Variants in APOLD1 observed in about 807,000 individuals in gnomAD.
The protein encoded by APOLD1 is apolipoprotein L domain containing 1.
In APOLD1, 22 loss-of-function variants were observed where a neutral mutation model predicts 15.3. That is an observed-to-expected ratio of 1.44 (90% CI 1.03 to 2.05). The LOEUF (loss-of-function observed/expected upper bound fraction) is 2.05. APOLD1 is among the 30% of genes most tolerant of loss of function. APOLD1 has a pLI of 0.00. For synonymous variants in APOLD1, 190 were observed against 167.4 expected (o/e 1.13, Z -1.04); for missense variants, 394 against 353.5 (o/e 1.11, Z -0.92).
Position 12,774,546 on chromosome 12 carries a change from C to CAAAAAAAAAAAAAAAA in APOLD1, c.97-12350_97-12335dup, listed in dbSNP as rs57343706. Among the ~76,000 whole-genome samples, 18 of 42,292 alleles carry CAAAAAAAAAAAAAAAA rather than the reference C, an allele frequency of 4.3e-4. 1 individual carries two copies. The highest frequency in any genetic ancestry group is 1.3e-3 in the South Asian group (1 of 788). The allele number at this position is 42,292 out of a possible 152,430, so 27.7% of individuals were successfully genotyped here. On this transcript the variant is annotated intron_variant, in intron 1 of 1. Transcript: ENST00000326765. ...GGGTGACACAGCGAGACTCTAACTC[C>CAAAAAAAAAAAAAAAA]AAAAAAAAAAAAAAAAAAAAAAAAA...
At chr12:12,772,078 T>TAAGAACA (rs1362738770) in intron 1 of APOLD1, among the ~76,000 whole-genome samples, 4 of 151,988 alleles carry the variant, frequency 2.6e-5, no homozygotes, top group African/African-American at 9.6e-5. Flanking sequence ...AAGATAAAAA[T>TAAGAACA]AAGAACAAAG....
intron 1 of APOLD1, among the ~76,000 whole-genome samples, chr12:12,773,102 G>GA (rs1947001283): frequency 1.3e-5 from 2 of 151,996 alleles, no homozygotes; most frequent in African/African-American, 4.8e-5. Context: ...AAAATTATAT[G>GA]AAAAACACAA....
At position 12,786,835 on chromosome 12, in the gene APOLD1, G is replaced by C. The variant is rs1447877837; in HGVS notation, c.4-74G>C. 5.2e-6 allele frequency: 7 copies of C among 1,340,776 alleles called. No individual in the cohort carries two copies. In the East Asian group the frequency reaches 1.9e-4, roughly 36 times the overall value. The allele number at this position is 1,340,776 out of a possible 1,614,324, so 83.1% of individuals were successfully genotyped here. A position where few individuals can be genotyped will look rare whatever the true frequency, so the allele number is the denominator to read the frequency against. ...CTGAACTCGTGCCAAGTTCCCGCTG[G>C]CGTCCGGGCAGCAGGGCGGGAGCGG... On this transcript the variant is annotated intron_variant, in intron 1 of 1. Transcript: ENST00000356591.
chr12:12,770,794 A>C (rs538235196), intron 1 of APOLD1, among the ~76,000 whole-genome samples: 160 of 150,928 alleles, frequency 1.1e-3, no homozygotes, highest in African/African-American at 3.7e-3. Flanking sequence ...AAAAAAAAAA[A>C]CTCTACACCT....
At chr12:12,729,050 A>G (rs766114255) in intron 1 of APOLD1, among the ~76,000 whole-genome samples, 3 of 152,198 alleles carry the variant, frequency 2.0e-5, no homozygotes, top group Non-Finnish European at 2.9e-5. Flanking sequence ...ACTCAGGACC[A>G]TAATATAATT....
chr12:12,764,181 T>C (rs187059172), intron 1 of APOLD1, among the ~76,000 whole-genome samples: 3 of 152,208 alleles, frequency 2.0e-5, no homozygotes, highest in Non-Finnish European at 1.5e-5. Flanking sequence ...CAGGGTAGTC[T>C]TGAACTCCTG....
intron 1 of APOLD1, among the ~76,000 whole-genome samples, chr12:12,737,735 G>A (rs1368716273): frequency 6.6e-6 from 1 of 152,174 alleles, no homozygotes; most frequent in Non-Finnish European, 1.5e-5. Flanking sequence ...CAAGCTGGGG[G>A]GCCCAGGGTT....
chr12:12,734,313 A>G (rs901128889), intron 1 of APOLD1, among the ~76,000 whole-genome samples: 1 of 151,992 alleles, frequency 6.6e-6, no homozygotes, highest in African/African-American at 2.4e-5. Flanking sequence ...CACCAGATCA[A>G]CTCCCTGCCT....
At position 12,787,087 on chromosome 12, in the gene APOLD1, C is replaced by G. The variant is rs757242490; in HGVS notation, c.182C>G (p.Ser61Trp). The G allele has an allele frequency of 1.6e-5, 23 of 1,400,982 alleles. No homozygotes were observed. The highest frequency in any genetic ancestry group is 2.1e-5 in the Non-Finnish European group (23 of 1,088,364). 86.8% of individuals were successfully genotyped at this position (1,400,982 alleles called of 1,614,324 possible). A position where few individuals can be genotyped will look rare whatever the true frequency, so the allele number is the denominator to read the frequency against. ...CTCGTAGCCAACGTGGCCGGCAGCT[C>G]GCTGAGCGCAACGGGCGCCCTCGCC... is the stretch of plus-strand genomic sequence containing the variant. Reference protein sequence around the residue: ...RSLVANVAGSSLSATGALAAI... With the variant: ...RSLVANVAGSWLSATGALAAI... Residue 61 changes from serine (S) to tryptophan (W), a missense_variant, in exon 2 of 2, where the codon TCG becomes TGG. Physicochemically the swap from Ser to Trp is radical, Grantham distance 177 (BLOSUM62 -3). Coordinates refer to ENST00000356591, the MANE Select transcript of APOLD1 (RefSeq NM_030817.3). The surrounding 1 kb of genome is among the most constrained non-coding windows in gnomAD (Gnocchi z 4.9).
chr12:12,731,008 G>A (rs1046975345), intron 1 of APOLD1, among the ~76,000 whole-genome samples: 2 of 152,074 alleles, frequency 1.3e-5, no homozygotes, highest in Non-Finnish European at 2.9e-5. Flanking sequence ...GGGCGTGGTG[G>A]CGGGCGCCTG....
intron 1 of APOLD1, chr12:12,726,156 CAAAAAAAAA>C (rs745785485): frequency 2.2e-3 from 247 of 113,506 alleles, no homozygotes; most frequent in East Asian, 0.02. Context: ...TCTTCGCAAC[CAAAAAAAAA>C]AAAAAAAAAA....
chr12:12,754,337 A>G (rs1400609417), intron 1 of APOLD1, among the ~76,000 whole-genome samples: 3 of 152,070 alleles, frequency 2.0e-5, no homozygotes, highest in Non-Finnish European at 4.4e-5. Flanking sequence ...CACTGGGATT[A>G]CAAACATGAG....
In APOLD1 at chr12:12,791,209, C is replaced by G. The variant is rs1445210990; in HGVS notation, c.*3557C>G. 1 of 152,110 alleles carries G rather than the reference C, an allele frequency of 6.6e-6. No individual in the cohort carries two copies. 9.4% of individuals were successfully genotyped at this position (152,110 alleles called of 1,614,324 possible). A position where few individuals can be genotyped will look rare whatever the true frequency, so the allele number is the denominator to read the frequency against. On this transcript the variant is annotated 3_prime_UTR_variant, in exon 2 of 2. Transcript: ENST00000356591. Reference sequence around the variant, plus strand: ...CTGTCATTTCCAATATGGTAGGTGTCAAAGTCAAAAGTATTTACTGGGAGA... The same window carrying G: ...CTGTCATTTCCAATATGGTAGGTGTGAAAGTCAAAAGTATTTACTGGGAGA...
chr12:12,728,509 C>CA (rs1000118542), intron 1 of APOLD1, among the ~76,000 whole-genome samples: 15 of 149,404 alleles, frequency 1.0e-4, no homozygotes, highest in South Asian at 2.1e-4. Context: ...CTACAAAAAA[C>CA]AAAAAAAAAT....
intron 1 of APOLD1, among the ~76,000 whole-genome samples, chr12:12,728,661 G>A (rs1946612646): frequency 3.6e-5 from 2 of 55,938 alleles, no homozygotes; most frequent in African/African-American, 2.2e-4. Flanking sequence ...GTGAGACCCT[G>A]TCTCAAAAAA....
intron 1 of APOLD1, among the ~76,000 whole-genome samples, chr12:12,746,750 C>T (rs901565633): frequency 4.6e-5 from 7 of 152,098 alleles, no homozygotes; most frequent in South Asian, 4.1e-4. Flanking sequence ...AAGTAGTGAA[C>T]GTAGTACCTG....
At chr12:12,742,579 A>G (rs1372070658) in intron 1 of APOLD1, among the ~76,000 whole-genome samples, 1 of 152,184 alleles carries the variant, frequency 6.6e-6, no homozygotes, top group Non-Finnish European at 1.5e-5. Flanking sequence ...AGCCTGGCCA[A>G]GATGGTGAAA....
chr12:12,759,091 A>G (rs890221635), intron 1 of APOLD1, among the ~76,000 whole-genome samples: 25 of 152,224 alleles, frequency 1.6e-4, no homozygotes, highest in Non-Finnish European at 4.4e-5. Flanking sequence ...GGGAGGGAGC[A>G]GGATGGCACG....
intron 1 of APOLD1, among the ~76,000 whole-genome samples, chr12:12,728,156 G>A (rs1946608218): frequency 6.6e-6 from 1 of 150,952 alleles, no homozygotes; most frequent in African/African-American, 2.4e-5. Flanking sequence ...TTGTAGAGAT[G>A]GGGTCTTGCT....
Sources: allele counts gnomAD v4.1 joint callset (sites outside exome capture counted in the v4.1 genomes callset), GRCh38; gene constraint gnomAD v4.1.1; non-coding constraint Gnocchi (gnomAD v3.1); transcripts MANE v1.5; gene names NCBI Gene and HGNC (gene_info 2026-07-23, HGNC 2026-07-21).